Variants in UNC13D observed in about 807,000 individuals in gnomAD.
UNC13D encodes protein unc-13 homolog D.
Under a neutral mutation model 151.7 loss-of-function variants are expected in UNC13D, and 115 were observed. The observed-to-expected ratio is 0.76, with a 90% CI of 0.65 to 0.88. The LOEUF is 0.88. UNC13D is among the 40% of genes least tolerant of loss of function. The probability of loss-of-function intolerance (pLI) is 0.00; values close to 1 mark genes in which losing one functional copy is unlikely to be tolerated. For missense variants in UNC13D, 1,369 were observed against 1,438.7 expected (o/e 0.95, Z 0.78); for synonymous variants, 588 against 612.2 (o/e 0.96, Z 0.58).
intron 12 of UNC13D, among the ~76,000 whole-genome samples, 191 bp downstream of exon 12, chr17:75,839,648 C>T (rs1953923425): frequency 6.6e-6 from 1 of 152,110 alleles, no homozygotes; most frequent in African/African-American, 2.4e-5. Context: ...CCTGGGATTA[C>T]AGGAGTGAGC....
At position 75,842,442 on chromosome 17, in the gene UNC13D, G is replaced by C. The variant is rs563841795; in HGVS notation, c.560C>G (p.Thr187Ser). The C allele has an allele frequency of 3.1e-6, 5 of 1,612,430 alleles. No individual in the cohort carries two copies. In the Admixed American group the frequency reaches 8.3e-5, roughly 27 times the overall value. ...TQTLNPVWDETFILEFEDITN... is the reference protein window; with the variant it reads ...TQTLNPVWDESFILEFEDITN... ...GAGCACGGCCACGTACAGGATGAAG[G>C]TCTCGTCCCAGACGGGGTTGAGTGT... Residue 187 changes from threonine (T) to serine (S), a missense_variant, in exon 6 of 32, where the codon ACC becomes AGC. Physicochemically the swap from Thr to Ser is moderately conservative, Grantham distance 58. Coordinates refer to ENST00000207549, the MANE Select transcript of UNC13D (RefSeq NM_199242.3).
chr17:75,836,312 C>T (rs374651108), intron 15 of UNC13D, 27 bp downstream of exon 15: 338 of 1,613,254 alleles, frequency 2.1e-4, no homozygotes, highest in Non-Finnish European at 2.6e-4. Flanking sequence ...GCGCTGGTCT[C>T]CCCCATCCCC....
At chr17:75,843,367 T>C (rs2064963338) in intron 2 of UNC13D, 101 bp from the exon 3 acceptor site, 1 of 1,568,596 alleles carries the variant, frequency 6.4e-7, no homozygotes, top group Admixed American at 1.8e-5. Flanking sequence ...GCGGAGGGAG[T>C]TGAGACCCAG....
Position 75,840,255 on chromosome 17 carries a change from G to A in UNC13D, c.828C>T (p.Cys276=). Residue 276 remains cysteine (C), a synonymous_variant, in exon 10 of 32, where the codon TGC becomes TGT. Coordinates refer to ENST00000207549, the MANE Select transcript of UNC13D (RefSeq NM_199242.3). This position sits in a 1 kb window ranked among gnomAD's most constrained non-coding sequence, Gnocchi z 4.6. ...RTETYPDRGQ[C]HLQFQLIHKR... is the part of the protein sequence containing the mutation. ...TATGGATGAGTTGGAACTGGAGGTG[G>A]CACTGGCCTCGGTCTGGGTAGGTCT... 1 of 1,614,024 alleles carries A rather than the reference G, an allele frequency of 6.2e-7. No individual in the cohort carries two copies. The highest frequency in any genetic ancestry group is 8.5e-7 in the Non-Finnish European group (1 of 1,180,038).
intron 6 of UNC13D, 132 bp downstream of exon 6, chr17:75,842,301 C>T: frequency 1.6e-6 from 2 of 1,272,830 alleles, no homozygotes; most frequent in African/African-American, 1.5e-5. Flanking sequence ...AGATGGGCTT[C>T]TCCTCTAGTC....
chr17:75,841,540 C>T (rs1176212094), intron 6 of UNC13D, among the ~76,000 whole-genome samples: 1 of 148,282 alleles, frequency 6.7e-6, no homozygotes, highest in East Asian at 2.0e-4. Context: ...CTCCCGGGTT[C>T]AAGTGATTCT....
chr17:75,836,899 G>C lies in UNC13D; in HGVS notation c.1075C>G (p.Arg359Gly). The C allele has an allele frequency of 6.2e-7, 1 of 1,613,082 alleles. No individual in the cohort carries two copies. The highest frequency in any genetic ancestry group is 1.3e-5 in the African/African-American group (1 of 75,028). The change falls in exon 13 of 32, where the codon CGC becomes GGC. Residue 359 changes from arginine to glycine, a missense_variant. Arg to Gly is a moderately radical substitution (Grantham distance 125). Transcript: ENST00000207549. The stretch of plus-strand genomic sequence containing the variant: ...GGGAACTCCAGGCTCTGGTAGAGGC[G>C]GCTGTAGGCCAGCCACTGCCTGCAG... ...QSMAQWLAYS[R>G]LYQSLEFPSS...
At position 75,833,924 on chromosome 17, in the gene UNC13D, C is replaced by T. The variant is rs1453215836; in HGVS notation, c.2367+151G>A. 5.1e-6 allele frequency: 5 copies of T among 973,068 alleles called. No individual in the cohort carries two copies. The highest frequency in any genetic ancestry group is 8.0e-6 in the Non-Finnish European group (5 of 626,386). The allele number at this position is 973,068 out of a possible 1,614,324, so 60.3% of individuals were successfully genotyped here. ...GCCAGTGGAGTGACCCAACCCGTTC[C>T]TGTGAGCATCCCAGGAGGAAACTGA... is the stretch of plus-strand genomic sequence containing the variant. On this transcript the variant is annotated intron_variant, in intron 24 of 31. Coordinates refer to ENST00000207549, the MANE Select transcript of UNC13D (RefSeq NM_199242.3). The surrounding 1 kb of genome is among the most constrained non-coding windows in gnomAD (Gnocchi z 4.0).
chr17:75,830,744 A>C, intron 27 of UNC13D, 83 bp from the exon 28 acceptor site: 1 of 1,470,576 alleles, frequency 6.8e-7, no homozygotes, highest in South Asian at 1.2e-5. Context: ...CTCACTGTCA[A>C]GGGTAACATG....
chr17:75,829,173 C>A (rs1384703684), intron 30 of UNC13D, among the ~76,000 whole-genome samples, 190 bp from the exon 31 acceptor site: 1 of 152,228 alleles, frequency 6.6e-6, no homozygotes, highest in Non-Finnish European at 1.5e-5. Context: ...AACCAGCGGT[C>A]CTGTGTTCCC....
In UNC13D at chr17:75,832,626, T is replaced by G. The variant is rs2064879540; in HGVS notation, c.2447+340A>C. On this transcript the variant is annotated intron_variant, in intron 25 of 31. Coordinates refer to ENST00000207549, the MANE Select transcript of UNC13D (RefSeq NM_199242.3). The surrounding 1 kb of genome is among the most constrained non-coding windows in gnomAD (Gnocchi z 4.3). Reference sequence around the variant, plus strand: ...CTGGGACTAAAGGAGAAAGGACAGGTAGATTTTGGCTCAGCCTAAGGAAGA... The same window carrying G: ...CTGGGACTAAAGGAGAAAGGACAGGGAGATTTTGGCTCAGCCTAAGGAAGA... The G allele has an allele frequency of 8.9e-6, 2 of 224,258 alleles. No homozygotes were observed. The highest frequency in any genetic ancestry group is 1.9e-5 in the Non-Finnish European group (2 of 106,734). 13.9% of individuals were successfully genotyped at this position (224,258 alleles called of 1,614,324 possible).
chr17:75,830,484 TGGG>T lies in UNC13D; in HGVS notation c.2710-5_2710-3del, dbSNP rs2064863579. ...CAGCTCCTCAGAGGTGGTTTCTGCC[TGGG>T]GTGGGGAGCAGGGGCAGGGTCAGCA... On this transcript the variant is annotated splice_region_variant and splice_polypyrimidine_tract_variant and intron_variant, in intron 28 of 31. Coordinates refer to ENST00000207549, the MANE Select transcript of UNC13D (RefSeq NM_199242.3). The T allele has an allele frequency of 1.3e-6, 2 of 1,591,762 alleles. No homozygotes were observed. Among genetic ancestry groups the T allele is most frequent in the Non-Finnish European group, 1.7e-6 (2 of 1,169,546 alleles).
rs1014587666 is a variant in UNC13D at position 75,827,752 on chromosome 17, G to A, written c.*213C>T. 6 of 1,485,470 alleles carry A rather than the reference G, an allele frequency of 4.0e-6. No homozygotes were observed. The highest frequency in any genetic ancestry group is 3.8e-4 in the Middle Eastern group (2 of 5,206). The allele number at this position is 1,485,470 out of a possible 1,614,324, so 92.0% of individuals were successfully genotyped here. On this transcript the variant is annotated 3_prime_UTR_variant, in exon 32 of 32. Coordinates refer to ENST00000207549, the MANE Select transcript of UNC13D (RefSeq NM_199242.3). ...TGGTAGAGACATTGCAGCCAGGGCT[G>A]GAGGCAGGGAGGCGGGAGTAGAGAT...
At chr17:75,828,386 C>T (rs1333887375) in intron 31 of UNC13D, among the ~76,000 whole-genome samples, 1 of 152,226 alleles carries the variant, frequency 6.6e-6, no homozygotes, top group East Asian at 1.9e-4. Context: ...GCAAGTTAAC[C>T]TTTTCATGCC....
At chr17:75,844,178 T>C in intron 1 of UNC13D, 43 bp downstream of exon 1, 1 of 1,602,790 alleles carries the variant, frequency 6.2e-7, no homozygotes, top group Non-Finnish European at 8.5e-7. Context: ...GAGACCACAG[T>C]GCTCCCCAAG....
At position 75,844,239 on chromosome 17, in the gene UNC13D, CG is replaced by C. The variant is rs762755414; in HGVS notation, c.98del (p.Pro33ArgfsTer43). ...RRRVRDLQDP[P>X]PQMAPEIQPP... Reference sequence around the variant, plus strand: ...CTCCTACCTCCGGGGCCATTTGGGGCGGGGGATCCTGTAGATCTCTGACTCT... The same window carrying C: ...CTCCTACCTCCGGGGCCATTTGGGGCGGGGATCCTGTAGATCTCTGACTCT... On this transcript the variant is annotated frameshift_variant, in exon 1 of 32. Transcript: ENST00000207549. LOFTEE classifies it high-confidence loss of function. 6.2e-7 allele frequency: 1 copy of C among 1,612,108 alleles called. No individual in the cohort carries two copies. The highest frequency in any genetic ancestry group is 1.1e-5 in the South Asian group (1 of 91,084).
In UNC13D at chr17:75,827,911, G is replaced by A. The variant is rs2062134701; in HGVS notation, c.*54C>T. The A allele has an allele frequency of 1.4e-5, 23 of 1,591,198 alleles. No homozygotes were observed. The highest frequency in any genetic ancestry group is 2.3e-5 in the East Asian group (1 of 43,560). ...GGCGGGGAAGCCCCAGACCCTACAG[G>A]AAAGCCCTTGCAAGTCCCCACCGGG... On this transcript the variant is annotated 3_prime_UTR_variant, in exon 32 of 32. Transcript: ENST00000207549.
In UNC13D at chr17:75,835,894, G is replaced by T; in HGVS notation, c.1557C>A (p.Ile519=). The change falls in exon 18 of 32, where the codon ATC becomes ATA. Residue 519 remains isoleucine (I), a synonymous_variant. Coordinates refer to ENST00000207549, the MANE Select transcript of UNC13D (RefSeq NM_199242.3). ...CCCGGAAAGCCATGGAGAAGAGGTG[G>T]ATCTTGAGGGTACTGGAGGAAAGGC... The part of the protein sequence containing the change: ...WDKIFHNTLK[I]HLFSMAFREL... The T allele has an allele frequency of 6.2e-7, 1 of 1,614,188 alleles. No individual in the cohort carries two copies. Among genetic ancestry groups the T allele is most frequent in the Non-Finnish European group, 8.5e-7 (1 of 1,180,030 alleles).
intron 31 of UNC13D, among the ~76,000 whole-genome samples, chr17:75,828,333 C>T (rs1486972151): frequency 6.6e-6 from 1 of 152,232 alleles, no homozygotes; most frequent in African/African-American, 2.4e-5. Flanking sequence ...TGAGATGTGC[C>T]TGAGGTTTGA....
Sources: gnomAD v4.1 joint callset for allele counts (sites outside exome capture counted in the v4.1 genomes callset) on GRCh38, gnomAD v4.1.1 for gene constraint, Gnocchi (gnomAD v3.1) non-coding constraint, MANE v1.5 for transcripts, NCBI Gene and HGNC (gene_info 2026-07-23, HGNC 2026-07-21) for gene names.